Variants in PLGLB2 observed in about 807,000 individuals in gnomAD.
PLGLB2 encodes plasminogen like B2, also known as plasminogen-like protein B.
intron 1 of PLGLB2, among the ~76,000 whole-genome samples, chr2:87,750,838 C>T (rs933448184): frequency 3.8e-4 from 52 of 138,216 alleles, no homozygotes; most frequent in African/African-American, 9.2e-4. Flanking sequence ...GGAGGGCTCG[C>T]TGTCTTCAGA....
rs1229934827 is a variant in PLGLB2, at chr2:87,757,065, AG to A, written c.*248del. 2.3e-6 allele frequency: 1 copy of A among 435,128 alleles called. No homozygotes were observed. The highest frequency in any genetic ancestry group is 2.2e-5 in the African/African-American group (1 of 45,340). The allele number at this position is 435,128 out of a possible 1,614,324, so 27.0% of individuals were successfully genotyped here. The stretch of plus-strand genomic sequence containing the variant: ...TCAAGTCCCTTATGTAAAATGGTGC[AG>A]TATTTGCATATAACCTACATACCTT... On this transcript the variant is annotated 3_prime_UTR_variant, in exon 4 of 4. Coordinates refer to ENST00000359481, the MANE Select transcript of PLGLB2 (RefSeq NM_002665.4).
At chr2:87,753,248 TAAG>T (rs1316129049) in intron 2 of PLGLB2, among the ~76,000 whole-genome samples, 446 of 114,746 alleles carry the variant, frequency 3.9e-3, no homozygotes, top group African/African-American at 0.012. Flanking sequence ...AAACAAAAAT[TAAG>T]AAGATGAGTG....
Position 87,759,008 on chromosome 2 carries a change from T to A in PLGLB2, c.*2190T>A, listed in dbSNP as rs1465970521. Among the ~76,000 whole-genome samples, 2 of 145,178 alleles carry A rather than the reference T, an allele frequency of 1.4e-5. No individual in the cohort carries two copies. The highest frequency in any genetic ancestry group is 1.4e-4 in the Admixed American group (2 of 14,604). ...GCAAAACTTTGCTCAGATCCCAGAA[T>A]TAACCTGATTTTTTTTTTTTTTTCT... On this transcript the variant is annotated 3_prime_UTR_variant, in exon 4 of 4. Coordinates refer to ENST00000359481, the MANE Select transcript of PLGLB2 (RefSeq NM_002665.4).
At chr2:87,749,108 GTTCTTT>G (rs893190900) in intron 1 of PLGLB2, among the ~76,000 whole-genome samples, 11 of 149,276 alleles carry the variant, frequency 7.4e-5, no homozygotes, top group Non-Finnish European at 8.9e-5. Context: ...TGTCCTAGTA[GTTCTTT>G]TTCTTTTTCT....
chr2:87,754,723 A>G (rs1388982872), intron 3 of PLGLB2, among the ~76,000 whole-genome samples: 4 of 150,288 alleles, frequency 2.7e-5, no homozygotes, highest in Non-Finnish European at 5.9e-5. Flanking sequence ...ACTAAATAGG[A>G]TGACCTAATT....
At chr2:87,750,642 T>C (rs1230276445) in intron 1 of PLGLB2, among the ~76,000 whole-genome samples, 1 of 147,014 alleles carries the variant, frequency 6.8e-6, no homozygotes, top group African/African-American at 2.5e-5. Context: ...CCGAGGACTT[T>C]GCATGAATTG....
At chr2:87,756,358 T>C (rs1471045815) in intron 3 of PLGLB2, 2 of 137,218 alleles carry the variant, frequency 1.5e-5, no homozygotes, top group Non-Finnish European at 3.2e-5. Flanking sequence ...GGGTTGGATC[T>C]CTTTCAGCCT....
Position 87,758,150 on chromosome 2 carries a change from TCAGA to T in PLGLB2, c.*1337_*1340del, listed in dbSNP as rs1242734763. Among the ~76,000 whole-genome samples the T allele has an allele frequency of 1.3e-5, 2 of 151,506 alleles. No homozygotes were observed. Among genetic ancestry groups the T allele is most frequent in the Admixed American group, 6.6e-5 (1 of 15,212 alleles). On this transcript the variant is annotated 3_prime_UTR_variant, in exon 4 of 4. Transcript: ENST00000359481. ...TTCAGAGAAAACCAGGACTTTGGAATCAGACAGATCAACTTTGAATTCTTGATCT... is the reference window on the plus strand; with the variant it reads ...TTCAGAGAAAACCAGGACTTTGGAATCAGATCAACTTTGAATTCTTGATCT...
At chr2:87,750,151 G>T (rs1186689478) in intron 1 of PLGLB2, among the ~76,000 whole-genome samples, 1 of 152,280 alleles carries the variant, frequency 6.6e-6, no homozygotes, top group African/African-American at 2.4e-5. Context: ...TATTTCCTAG[G>T]GACAGGAGCT....
At chr2:87,748,229 ATAAT>A (rs1407982618) in intron 1 of PLGLB2, 27 bp downstream of exon 1, 1 of 612,170 alleles carries the variant, frequency 1.6e-6, no homozygotes, top group Non-Finnish European at 2.8e-6. Context: ...TTAAATTATA[ATAAT>A]TATTTTTTCT....
At chr2:87,751,437 T>C (rs1319760148) in intron 1 of PLGLB2, 1 of 150,066 alleles carries the variant, frequency 6.7e-6, no homozygotes, top group Non-Finnish European at 1.5e-5. Context: ...CCAATTTTTG[T>C]CCAAGTTGGC....
Position 87,751,459 on chromosome 2 carries a change from G to A in PLGLB2, c.50-788G>A, listed in dbSNP as rs1361383858. 3 of 150,818 alleles carry A rather than the reference G, an allele frequency of 2.0e-5. No individual in the cohort carries two copies. The East Asian group carries it at 5.8e-4, about 29-fold the overall frequency. The allele number at this position is 150,818 out of a possible 1,614,324, so 9.3% of individuals were successfully genotyped here. A position where few individuals can be genotyped will look rare whatever the true frequency, so the allele number is the denominator to read the frequency against. ...TTGTCCAAGTTGGCAACATAATTTA[G>A]TTCAGTTCTTGTTTATTTCCACCAT... On this transcript the variant is annotated intron_variant, in intron 1 of 3. Transcript: ENST00000359481.
intron 1 of PLGLB2, among the ~76,000 whole-genome samples, chr2:87,749,998 TA>T: frequency 6.8e-6 from 1 of 146,616 alleles, no homozygotes; most frequent in South Asian, 2.2e-4. Context: ...ATTTTTCCAC[TA>T]AAAGATTTGA....
chr2:87,756,551 G>A (rs1684728241), intron 3 of PLGLB2: 1 of 335,774 alleles, frequency 3.0e-6, no homozygotes, highest in African/African-American at 2.1e-5. Context: ...TGATGGCCAA[G>A]CCTCTGGCTG....
chr2:87,752,296 G>A lies in PLGLB2; in HGVS notation c.99G>A (p.Leu33=), dbSNP rs1439315208. Residue 33 remains leucine (L), a synonymous_variant, in exon 2 of 4, where the codon CTG becomes CTA. Transcript: ENST00000359481. ...DDYVNTQGPS[L]FSVTKKQLGA... ...ATGTGAATACCCAGGGGCCTTCACTGTTCAGTGTCACTAAGAAGCAGCTGG... is the reference window on the plus strand; with the variant it reads ...ATGTGAATACCCAGGGGCCTTCACTATTCAGTGTCACTAAGAAGCAGCTGG... 1 of 9,838 alleles carries A rather than the reference G, an allele frequency of 1.0e-4. No individual in the cohort carries two copies. The highest frequency in any genetic ancestry group is 0.015 in the East Asian group (1 of 68). 0.6% of individuals were successfully genotyped at this position (9,838 alleles called of 1,614,324 possible).
intron 1 of PLGLB2, chr2:87,751,427 C>T (rs1684643547): frequency 6.7e-6 from 1 of 149,680 alleles, no homozygotes; most frequent in African/African-American, 2.4e-5. Context: ...AGTGTTTTGC[C>T]CAATTTTTGT....
intron 3 of PLGLB2, among the ~76,000 whole-genome samples, chr2:87,754,956 C>T (rs1372238843): frequency 6.8e-6 from 1 of 146,774 alleles, no homozygotes; most frequent in Non-Finnish European, 1.5e-5. Flanking sequence ...CATACAGTTG[C>T]TGTGGGATAT....
intron 1 of PLGLB2, among the ~76,000 whole-genome samples, chr2:87,748,993 C>T (rs1405489327): frequency 1.6e-5 from 2 of 128,962 alleles, no homozygotes; most frequent in South Asian, 5.3e-4. Context: ...ATTCTCAAAT[C>T]TGGGAAATAA....
chr2:87,754,732 T>A (rs1249296972), intron 3 of PLGLB2, among the ~76,000 whole-genome samples: 1 of 150,330 alleles, frequency 6.7e-6, no homozygotes, highest in African/African-American at 2.4e-5. Context: ...GATGACCTAA[T>A]TGTACCAGAT....
Sources: allele counts gnomAD v4.1 joint callset (sites outside exome capture counted in the v4.1 genomes callset), GRCh38; gene constraint gnomAD v4.1.1; transcripts MANE v1.5; gene names NCBI Gene and HGNC (gene_info 2026-07-23, HGNC 2026-07-21).